ACTN2: variants seen among roughly 807,000 people sequenced by gnomAD.
ACTN2 encodes the protein actinin alpha 2, also known as alpha-actinin-2.
A neutral mutation model predicts 113.8 loss-of-function variants in ACTN2; 39 were observed. The ratio of observed to expected loss-of-function variants is 0.34; its 90% CI spans 0.27 to 0.45. ACTN2 has a LOEUF of 0.45. ACTN2 is among the 20% of genes least tolerant of loss of function. The pLI is 1.00. For synonymous variants in ACTN2, 429 were observed against 444.1 expected (o/e 0.97, Z 0.43); for missense variants, 992 against 1,177.9 (o/e 0.84, Z 2.31).
intron 20 of ACTN2, 69 bp downstream of exon 20, chr1:236,761,242 A>C (rs1659699854): frequency 6.3e-7 from 1 of 1,587,998 alleles, no homozygotes; most frequent in Non-Finnish European, 8.6e-7. Flanking sequence ...AAAAGGCAAC[A>C]GTGTTGTAAA....
At chr1:236,707,325 C>G (rs1002630075) in intron 1 of ACTN2, among the ~76,000 whole-genome samples, 1 of 152,186 alleles carries the variant, frequency 6.6e-6, no homozygotes, top group African/African-American at 2.4e-5. Flanking sequence ...CCTTCTTGCA[C>G]CCCTTTTCTT....
intron 1 of ACTN2, among the ~76,000 whole-genome samples, chr1:236,703,286 C>T (rs1657728958): frequency 6.6e-6 from 1 of 152,156 alleles, no homozygotes; most frequent in Non-Finnish European, 1.5e-5. Flanking sequence ...AAGGAATTCT[C>T]CACGTAGTTT....
chr1:236,727,784 G>A, intron 6 of ACTN2, 28 bp downstream of exon 6: 2 of 1,608,750 alleles, frequency 1.2e-6, no homozygotes, highest in Non-Finnish European at 1.7e-6. Flanking sequence ...GGCATGCAGT[G>A]TCCCCAGCCA....
At chr1:236,693,177 GCACACACACA>G (rs35891713) in intron 1 of ACTN2, among the ~76,000 whole-genome samples, 58,423 of 149,024 alleles carry the variant, frequency 0.39, 12,313 homozygotes, top group Non-Finnish European at 0.49. Flanking sequence ...CTGCACACAT[GCACACACACA>G]CACACACACA....
chr1:236,709,060 G>A (rs1035867763), intron 1 of ACTN2, among the ~76,000 whole-genome samples: 3 of 151,486 alleles, frequency 2.0e-5, no homozygotes, highest in African/African-American at 4.9e-5. Flanking sequence ...AATAAATGGA[G>A]CATTTTTAGA....
rs1225192831 is a variant in ACTN2, at chr1:236,689,306, T to G, written c.126+2507T>G. Among the ~76,000 whole-genome samples the G allele has an allele frequency of 4.0e-4, 8 of 20,020 alleles. No individual in the cohort carries two copies. In the South Asian group the frequency reaches 7.8e-3, roughly 19 times the overall value. 13.1% of individuals were successfully genotyped at this position (20,020 alleles called of 152,430 possible). A position where few individuals can be genotyped will look rare whatever the true frequency, so the allele number is the denominator to read the frequency against. On this transcript the variant is annotated intron_variant, in intron 1 of 20. Coordinates refer to ENST00000366578, the MANE Select transcript of ACTN2 (RefSeq NM_001103.4). ...CCTGCAGTATTACAGATGTGATATA[T>G]ATATATATATATATATATATATATA...
Position 236,762,750 on chromosome 1 carries a change from GT to G in ACTN2, c.*133del, listed in dbSNP as rs1162813117. 1.1e-5 allele frequency: 13 copies of G among 1,184,270 alleles called. No individual in the cohort carries two copies. Among genetic ancestry groups the G allele is most frequent in the Non-Finnish European group, 1.6e-5 (13 of 827,108 alleles). 73.4% of individuals were successfully genotyped at this position (1,184,270 alleles called of 1,614,324 possible). A position where few individuals can be genotyped will look rare whatever the true frequency, so the allele number is the denominator to read the frequency against. On this transcript the variant is annotated 3_prime_UTR_variant, in exon 21 of 21. Coordinates refer to ENST00000366578, the MANE Select transcript of ACTN2 (RefSeq NM_001103.4). ...AGGGGAAAAAAAAAAGCCTTTCGTA[GT>G]TCAGTAATTGCCAGCAATATAACAC...
chr1:236,710,926 G>A (rs914167567), intron 1 of ACTN2, among the ~76,000 whole-genome samples: 1 of 150,852 alleles, frequency 6.6e-6, no homozygotes, highest in Non-Finnish European at 1.5e-5. Flanking sequence ...TGTCTTCCAC[G>A]AAACCGGTCC....
At chr1:236,700,857 T>C (rs571854496) in intron 1 of ACTN2, among the ~76,000 whole-genome samples, 3 of 152,156 alleles carry the variant, frequency 2.0e-5, no homozygotes, top group Non-Finnish European at 2.9e-5. Context: ...CTGTTAAAGA[T>C]GTGAATTCCC....
At chr1:236,713,315 C>A (rs189470903) in intron 1 of ACTN2, among the ~76,000 whole-genome samples, 6 of 151,896 alleles carry the variant, frequency 4.0e-5, no homozygotes, top group East Asian at 1.9e-4. Flanking sequence ...GCAACCTCTG[C>A]CTCCCGGGTT....
intron 1 of ACTN2, among the ~76,000 whole-genome samples, chr1:236,698,831 G>A (rs111660600): frequency 7.2e-5 from 11 of 152,230 alleles, no homozygotes; most frequent in African/African-American, 2.6e-4. Context: ...GAAATTCCAG[G>A]CACTGTTTTA....
At position 236,744,624 on chromosome 1, in the gene ACTN2, A is replaced by C. The variant is rs1659170030; in HGVS notation, c.1256-2A>C. ...CATACTTTCTTGCTACCACCTTTGC[A>C]GGCAAAGAGCAGATCTTGCTGCAGA... On this transcript the variant is annotated splice_acceptor_variant, in intron 11 of 20. Transcript: ENST00000366578. LOFTEE classifies it high-confidence loss of function. 2 of 1,614,092 alleles carry C rather than the reference A, an allele frequency of 1.2e-6. No homozygotes were observed. The highest frequency in any genetic ancestry group is 4.5e-5 in the East Asian group (2 of 44,884).
rs771424965 is a variant in ACTN2, at chr1:236,686,718, C to G, written c.45C>G (p.Asp15Glu). Reference protein sequence around the residue: ...EPGVQYNYVYDEDEYMIQEEE... With the variant: ...EPGVQYNYVYEEDEYMIQEEE... ...GCGTGCAGTACAACTACGTGTACGA[C>G]GAGGATGAGTACATGATCCAGGAGG... The change falls in exon 1 of 21, where the codon GAC becomes GAG. Residue 15 changes from aspartate (D) to glutamate (E), a missense_variant. Asp to Glu is a conservative substitution (Grantham distance 45, BLOSUM62 2). Coordinates refer to ENST00000366578, the MANE Select transcript of ACTN2 (RefSeq NM_001103.4). 1 of 1,567,638 alleles carries G rather than the reference C, an allele frequency of 6.4e-7. No individual in the cohort carries two copies. Among genetic ancestry groups the G allele is most frequent in the African/African-American group, 1.4e-5 (1 of 70,718 alleles).
intron 1 of ACTN2, among the ~76,000 whole-genome samples, chr1:236,697,900 C>T (rs1362441450): frequency 6.6e-6 from 1 of 150,414 alleles, no homozygotes; most frequent in Admixed American, 6.6e-5. Context: ...GCTGGGATTA[C>T]AGGCACCTGC....
In ACTN2 at chr1:236,759,706, C is replaced by T. The variant is rs1359563905; in HGVS notation, c.2302-18C>T. The stretch of plus-strand genomic sequence containing the variant: ...TTGCCCTGTGCTCACCTGCTCTGTC[C>T]TTTGTTTTTGCCAACAGAGGAAGAA... On this transcript the variant is annotated intron_variant, in intron 18 of 20. Coordinates refer to ENST00000366578, the MANE Select transcript of ACTN2 (RefSeq NM_001103.4). 2 of 1,613,184 alleles carry T rather than the reference C, an allele frequency of 1.2e-6. No individual in the cohort carries two copies. Among genetic ancestry groups the T allele is most frequent in the Non-Finnish European group, 1.7e-6 (2 of 1,179,204 alleles).
At chr1:236,698,324 T>C (rs541434644) in intron 1 of ACTN2, among the ~76,000 whole-genome samples, 7 of 152,318 alleles carry the variant, frequency 4.6e-5, no homozygotes, top group Admixed American at 1.3e-4. Context: ...TGTTCTCATT[T>C]AGATGTTTTG....
At position 236,763,711 on chromosome 1, in the gene ACTN2, T is replaced by A. The variant is rs900715288; in HGVS notation, c.*1092T>A. 2 of 152,222 alleles carry A rather than the reference T, an allele frequency of 1.3e-5. No homozygotes were observed. The highest frequency in any genetic ancestry group is 2.4e-5 in the African/African-American group (1 of 41,454). The allele number at this position is 152,222 out of a possible 1,614,324, so 9.4% of individuals were successfully genotyped here. A position where few individuals can be genotyped will look rare whatever the true frequency, so the allele number is the denominator to read the frequency against. ...AGGAATAACTAGATATTTTAGCTAG[T>A]GTGCGGTGTGTGTTCACCCCTGGGA... On this transcript the variant is annotated 3_prime_UTR_variant, in exon 21 of 21. Transcript: ENST00000366578.
intron 14 of ACTN2, among the ~76,000 whole-genome samples, chr1:236,751,005 A>G (rs1659376276): frequency 6.8e-6 from 1 of 147,214 alleles, no homozygotes. Flanking sequence ...CAGGAGGATT[A>G]CTTGAGCCCA....
At chr1:236,749,826 A>T (rs950218595) in intron 14 of ACTN2, among the ~76,000 whole-genome samples, 3 of 152,184 alleles carry the variant, frequency 2.0e-5, no homozygotes, top group African/African-American at 7.2e-5. Context: ...AACAACGACA[A>T]CTACAACTAC....
Sources: allele counts gnomAD v4.1 joint callset (sites outside exome capture counted in the v4.1 genomes callset), GRCh38; gene constraint gnomAD v4.1.1; transcripts MANE v1.5; gene names NCBI Gene and HGNC (gene_info 2026-07-23, HGNC 2026-07-21).